The following SCUBE1 variants were observed in gnomAD, a reference collection of about 807,000 sequenced individuals.
SCUBE1 encodes signal peptide, CUB and EGF-like domain-containing protein 1.
In SCUBE1, 59 loss-of-function variants were observed where a neutral mutation model predicts 124.4. The observed-to-expected ratio is 0.47, with a 90% CI of 0.38 to 0.59. SCUBE1 has a LOEUF of 0.59. Ranked by LOEUF, SCUBE1 falls within the 20% of genes least tolerant of loss-of-function variation. The probability of loss-of-function intolerance (pLI) is 0.00; values close to 1 mark genes in which losing one functional copy is unlikely to be tolerated. For synonymous variants in SCUBE1, 545 were observed against 550.9 expected (o/e 0.99, Z 0.15); for missense variants, 1,150 against 1,371.2 (o/e 0.84, Z 2.55).
At chr22:43,263,841 G>A (rs919885302) in intron 4 of SCUBE1, among the ~76,000 whole-genome samples, 6 of 152,128 alleles carry the variant, frequency 3.9e-5, no homozygotes, top group African/African-American at 1.4e-4. Flanking sequence ...TCAAATTGTT[G>A]GAATGACGCA....
At chr22:43,341,298 G>A (rs1462208441) in intron 1 of SCUBE1, among the ~76,000 whole-genome samples, 1 of 152,216 alleles carries the variant, frequency 6.6e-6, no homozygotes, top group African/African-American at 2.4e-5. Flanking sequence ...GGGCCTTCTG[G>A]GGAAGTGGCA....
chr22:43,203,360 GTATATA>G lies in SCUBE1; in HGVS notation c.*631_*636del. The G allele has an allele frequency of 6.8e-6, 1 of 146,764 alleles. No homozygotes were observed. Among genetic ancestry groups the G allele is most frequent in the Non-Finnish European group, 1.5e-5 (1 of 66,700 alleles). 9.1% of individuals were successfully genotyped at this position (146,764 alleles called of 1,614,324 possible). On this transcript the variant is annotated 3_prime_UTR_variant, in exon 22 of 22. Coordinates refer to ENST00000360835, the MANE Select transcript of SCUBE1 (RefSeq NM_173050.5). ...TTTCCTAAAGTACCCACAAATAGAAGTATATATATATATTTATATATATATTTATAT... is the reference window on the plus strand; with the variant it reads ...TTTCCTAAAGTACCCACAAATAGAAGTATATATTTATATATATATTTATAT...
At chr22:43,327,177 T>G (rs1037001235) in intron 2 of SCUBE1, among the ~76,000 whole-genome samples, 4 of 152,144 alleles carry the variant, frequency 2.6e-5, no homozygotes, top group Non-Finnish European at 4.4e-5. Flanking sequence ...AGGACTGCCC[T>G]GAGAGCTGGG....
chr22:43,303,885 T>C lies in SCUBE1; in HGVS notation c.350-12705A>G, dbSNP rs28753979. ...CTGATTTTCTCCTAAATGTAATGAG[T>C]TGATCTGTGCACAGCCACGGCGAGC... On this transcript the variant is annotated intron_variant, in intron 3 of 21. Transcript: ENST00000360835. Among the ~76,000 whole-genome samples, 5 of 152,224 alleles carry C rather than the reference T, an allele frequency of 3.3e-5. No individual in the cohort carries two copies. In the South Asian group the frequency reaches 1.0e-3, roughly 31 times the overall value.
At chr22:43,282,120 G>C (rs891385357) in intron 4 of SCUBE1, 1 of 152,904 alleles carries the variant, frequency 6.5e-6, no homozygotes, top group Non-Finnish European at 1.5e-5. Context: ...GGACGGGAGA[G>C]GCAGTGGCCC....
At chr22:43,287,367 C>T (rs1046304646) in intron 4 of SCUBE1, among the ~76,000 whole-genome samples, 4 of 152,234 alleles carry the variant, frequency 2.6e-5, no homozygotes, top group African/African-American at 4.8e-5. Flanking sequence ...GGGGAAAATT[C>T]GACAGCTAGG....
At chr22:43,321,312 G>A (rs944797154) in intron 2 of SCUBE1, among the ~76,000 whole-genome samples, 1 of 152,222 alleles carries the variant, frequency 6.6e-6, no homozygotes, top group Admixed American at 6.5e-5. Flanking sequence ...AGGAGCTGCC[G>A]CAGGGAGACA....
intron 11 of SCUBE1, among the ~76,000 whole-genome samples, 155 bp from the exon 12 acceptor site, chr22:43,222,897 G>A (rs1922155131): frequency 6.6e-6 from 1 of 152,210 alleles, no homozygotes; most frequent in African/African-American, 2.4e-5. Flanking sequence ...GTGGCCAGGA[G>A]GAAGGAGCCC....
rs1920956117 is a variant in SCUBE1, at chr22:43,198,306, AGGGGACTGGAGAGGCCTTG to A, written c.*5672_*5690del. 5.8e-6 allele frequency: 2 copies of A among 346,696 alleles called. No homozygotes were observed. Among genetic ancestry groups the A allele is most frequent in the Admixed American group, 7.7e-5 (2 of 25,830 alleles). 21.5% of individuals were successfully genotyped at this position (346,696 alleles called of 1,614,324 possible). A position where few individuals can be genotyped will look rare whatever the true frequency, so the allele number is the denominator to read the frequency against. On this transcript the variant is annotated 3_prime_UTR_variant, in exon 22 of 22. Coordinates refer to ENST00000360835, the MANE Select transcript of SCUBE1 (RefSeq NM_173050.5). Reference sequence around the variant, plus strand: ...GGGGCTCTGAGTGGCATGGTGCAGCAGGGGACTGGAGAGGCCTTGAGGCCATCGCAGCAGATGCTGGGAG... The same window carrying A: ...GGGGCTCTGAGTGGCATGGTGCAGCAAGGCCATCGCAGCAGATGCTGGGAG...
At chr22:43,268,776 C>G (rs1924174957) in intron 4 of SCUBE1, among the ~76,000 whole-genome samples, 1 of 152,200 alleles carries the variant, frequency 6.6e-6, no homozygotes, top group South Asian at 2.1e-4. Context: ...GGACTTCGTA[C>G]TGGCCAGAAG....
intron 2 of SCUBE1, among the ~76,000 whole-genome samples, chr22:43,337,085 C>G (rs1023237140): frequency 1.3e-5 from 2 of 152,074 alleles, no homozygotes. Context: ...TGGCAGTTCC[C>G]GAAGCACATT....
rs1224045088 is a variant in SCUBE1, at chr22:43,255,501, C to T, written c.727+2718G>A. ...GAAAAGTGTTACCCATGAGTAGCCG[C>T]CGTTTCACCCGCTTGTCCACATCAG... On this transcript the variant is annotated intron_variant, in intron 6 of 21. Coordinates refer to ENST00000360835, the MANE Select transcript of SCUBE1 (RefSeq NM_173050.5). The surrounding 1 kb of genome is among the most constrained non-coding windows in gnomAD (Gnocchi z 4.7). 1 of 1,550,584 alleles carries T rather than the reference C, an allele frequency of 6.4e-7. No individual in the cohort carries two copies. The highest frequency in any genetic ancestry group is 2.0e-5 in the Admixed American group (1 of 51,010).
Position 43,223,077 on chromosome 22 carries a change from T to C in SCUBE1, c.1327+20A>G. 1 of 1,515,744 alleles carries C rather than the reference T, an allele frequency of 6.6e-7. No individual in the cohort carries two copies. The highest frequency in any genetic ancestry group is 8.8e-7 in the Non-Finnish European group (1 of 1,134,772). 93.9% of individuals were successfully genotyped at this position (1,515,744 alleles called of 1,614,324 possible). A position where few individuals can be genotyped will look rare whatever the true frequency, so the allele number is the denominator to read the frequency against. On this transcript the variant is annotated intron_variant, in intron 11 of 21. Transcript: ENST00000360835. ...GACCCCCCTGCCACAGCATCCCATC[T>C]CAGGGACGGCCCGGGTTACCTGGCA... is the stretch of plus-strand genomic sequence containing the variant.
At chr22:43,271,584 G>A (rs1227744179) in intron 4 of SCUBE1, among the ~76,000 whole-genome samples, 1 of 152,150 alleles carries the variant, frequency 6.6e-6, no homozygotes, top group Non-Finnish European at 1.5e-5. Context: ...CACACTGAGA[G>A]CCTCTCGCGG....
chr22:43,323,066 A>AGAATTCTAATTCT (rs2146788138), intron 2 of SCUBE1, among the ~76,000 whole-genome samples: 1 of 152,300 alleles, frequency 6.6e-6, no homozygotes, highest in Admixed American at 6.5e-5. Context: ...CCTTTCTAAT[A>AGAATTCTAATTCT]AGTTAGAATG....
At chr22:43,316,574 C>T (rs797012567) in intron 3 of SCUBE1, among the ~76,000 whole-genome samples, 12 of 152,336 alleles carry the variant, frequency 7.9e-5, no homozygotes, top group African/African-American at 2.9e-4. Flanking sequence ...CTAGTCAATG[C>T]CCTGCTCACC....
intron 21 of SCUBE1, among the ~76,000 whole-genome samples, chr22:43,206,409 G>A (rs762847755): frequency 4.6e-5 from 7 of 151,978 alleles, no homozygotes; most frequent in South Asian, 2.1e-4. Context: ...ACACACACAC[G>A]CGTGCCCTGA....
intron 3 of SCUBE1, among the ~76,000 whole-genome samples, chr22:43,306,280 C>A (rs1369840088): frequency 6.6e-6 from 1 of 152,154 alleles, no homozygotes; most frequent in South Asian, 2.1e-4. Flanking sequence ...TTTTAAGGAG[C>A]CTTCACAAGA....
Position 43,229,184 on chromosome 22 carries a change from G to T in SCUBE1, c.972C>A (p.Ile324=), listed in dbSNP as rs749421526. The T allele has an allele frequency of 1.3e-5, 20 of 1,579,210 alleles. No homozygotes were observed. The African/African-American group carries it at 2.3e-4, about 18-fold the overall frequency. The change falls in exon 9 of 22, where the codon ATC becomes ATA. Residue 324 remains isoleucine (I), a synonymous_variant. Coordinates refer to ENST00000360835, the MANE Select transcript of SCUBE1 (RefSeq NM_173050.5). ...LLTDERTCQD[I]DECSFERTCD... ...AGGTCCGCTCGAAGGAGCACTCGTC[G>T]ATGTCTGCGTGGCCACAGGGAGACA...
Sources: gnomAD v4.1 joint callset for allele counts (sites outside exome capture counted in the v4.1 genomes callset) on GRCh38, gnomAD v4.1.1 for gene constraint, Gnocchi (gnomAD v3.1) non-coding constraint, MANE v1.5 for transcripts, NCBI Gene and HGNC (gene_info 2026-07-23, HGNC 2026-07-21) for gene names.